The following STKLD1 variants were observed in gnomAD, a reference collection of about 807,000 sequenced individuals.
STKLD1 encodes the protein serine/threonine kinase like domain containing 1.
Under a neutral mutation model 80.4 loss-of-function variants are expected in STKLD1, and 79 were observed. The observed-to-expected ratio is 0.98, with a 90% confidence interval of 0.82 to 1.19. The LOEUF (loss-of-function observed/expected upper bound fraction) is 1.19. Among genes scored for constraint, STKLD1 ranks in the 50% most tolerant of loss-of-function variants. STKLD1 has a pLI of 0.00. For synonymous variants in STKLD1, 393 were observed against 357.6 expected, an observed-to-expected ratio of 1.10 and a Z score of -1.12; for missense variants, 841 against 856.0, an observed-to-expected ratio of 0.98 and a Z score of 0.22.
chr9:133,390,022 A>G lies in STKLD1; in HGVS notation c.467+426A>G, dbSNP rs1047094232. On this transcript the variant is annotated intron_variant, in intron 6 of 17. Transcript: ENST00000371957. This position sits in a 1 kb window ranked among gnomAD's most constrained non-coding sequence, Gnocchi z 5.1. ...GAGATGGCTCCAATTCTGAACACCA[A>G]TATCTTATTTAAAGAGGAAGAGGGA... Among the ~76,000 whole-genome samples, 1 of 152,118 alleles carries G rather than the reference A, an allele frequency of 6.6e-6. No homozygotes were observed. The highest frequency in any genetic ancestry group is 2.4e-5 in the African/African-American group (1 of 41,422).
chr9:133,398,841 T>G (rs4962138), intron 11 of STKLD1, among the ~76,000 whole-genome samples: 1 of 151,614 alleles, frequency 6.6e-6, no homozygotes, highest in Non-Finnish European at 1.5e-5. Context: ...CAGTTTTTTT[T>G]TGTTTTTGTT....
intron 13 of STKLD1, among the ~76,000 whole-genome samples, chr9:133,402,273 T>C (rs920119845): frequency 4.6e-5 from 7 of 152,108 alleles, no homozygotes; most frequent in Admixed American, 3.3e-4. Flanking sequence ...GAGAGGGCCA[T>C]ACAGAGCGCT....
Position 133,383,900 on chromosome 9 carries a change from G to C in STKLD1, c.219G>C (p.Glu73Asp), listed in dbSNP as rs782030954. ...ATTACGCCAGTCAGGCCCTGGAGGA[G>C]GTAACTCTCAGGGTAGTTTTCCCTC... ...DDHYASQALE[E>D]LMPLLKLRHA... The change falls in exon 3 of 18, where the codon GAG (glutamate) becomes GAC (aspartate). Residue 73 changes from glutamate to aspartate, a missense_variant and splice_region_variant. Transcript: ENST00000371957. The C allele has an allele frequency of 6.2e-7, 1 of 1,613,822 alleles. No homozygotes were observed. Among genetic ancestry groups the C allele is most frequent in the African/African-American group, 1.3e-5 (1 of 74,882 alleles).
chr9:133,402,845 G>A (rs587719883), intron 13 of STKLD1, 33 bp from the exon 14 acceptor site: 1 of 1,584,914 alleles, frequency 6.3e-7, no homozygotes, highest in Non-Finnish European at 8.6e-7. Flanking sequence ...TGGAGGGAGG[G>A]GCCCTGGGGC....
rs2130285859 is a variant in STKLD1, at chr9:133,390,194, AAC to A, written c.468-430_468-429del. Among the ~76,000 whole-genome samples, 2,304 of 123,390 alleles carry A rather than the reference AAC, an allele frequency of 0.019. 47 individuals are homozygous for A. The highest frequency in any genetic ancestry group is 0.042 in the Middle Eastern group (10 of 238). The allele number at this position is 123,390 out of a possible 152,430, so 80.9% of individuals were successfully genotyped here. A position where few individuals can be genotyped will look rare whatever the true frequency, so the allele number is the denominator to read the frequency against. ...TTCAGCCTGGGCAACCCTGACTTAA[AAC>A]ACACACACACACACACACACACACA... On this transcript the variant is annotated intron_variant, in intron 6 of 17. Coordinates refer to ENST00000371957, the MANE Select transcript of STKLD1 (RefSeq NM_153710.5). The surrounding 1 kb of genome is among the most constrained non-coding windows in gnomAD (Gnocchi z 5.1).
intron 1 of STKLD1, 150 bp from the exon 2 acceptor site, chr9:133,378,886 C>T: frequency 1.6e-6 from 1 of 641,436 alleles, no homozygotes; most frequent in Non-Finnish European, 2.7e-6. Context: ...CTCCTTGGGC[C>T]ATTTCCTCTA....
rs781859232 is a variant in STKLD1 at position 133,402,983 on chromosome 9, T to G, written c.1445T>G (p.Leu482Arg). The change falls in exon 14 of 18, where the codon CTG becomes CGG. Residue 482 changes from leucine to arginine, a missense_variant. Transcript: ENST00000371957. ...AGCAGGGACGTCTGCGCCAGCGGCC[T>G]GGGCCTGCTCTGGGCCCTCCTGCTG... ...LESRDVCASG[L>R]GLLWALLLDG... 1 of 1,576,608 alleles carries G rather than the reference T, an allele frequency of 6.3e-7. No homozygotes were observed. Among genetic ancestry groups the G allele is most frequent in the South Asian group, 1.2e-5 (1 of 86,032 alleles).
intron 1 of STKLD1, among the ~76,000 whole-genome samples, chr9:133,378,668 G>C (rs1838061845): frequency 6.6e-6 from 1 of 152,264 alleles, no homozygotes; most frequent in Non-Finnish European, 1.5e-5. Context: ...TTTCTTGTTG[G>C]AAACCAGTTG....
intron 1 of STKLD1, among the ~76,000 whole-genome samples, chr9:133,376,820 T>C (rs1016113371): frequency 6.6e-6 from 1 of 152,174 alleles, no homozygotes; most frequent in African/African-American, 2.4e-5. Flanking sequence ...GCAGCTCCTC[T>C]ATCCTTCGTG....
intron 7 of STKLD1, among the ~76,000 whole-genome samples, chr9:133,393,538 T>A (rs1330504303): frequency 6.8e-6 from 1 of 146,640 alleles, no homozygotes; most frequent in Non-Finnish European, 1.5e-5. Flanking sequence ...TATGGATGAA[T>A]GGATGGATGG....
intron 5 of STKLD1, chr9:133,387,751 A>AC: frequency 1.5e-6 from 1 of 674,834 alleles, no homozygotes; most frequent in Non-Finnish European, 2.7e-6. Flanking sequence ...CACAACTTCC[A>AC]CCCAGATCAA....
At chr9:133,404,395 C>T (rs1473682295) in intron 16 of STKLD1, among the ~76,000 whole-genome samples, 4 of 152,224 alleles carry the variant, frequency 2.6e-5, no homozygotes, top group African/African-American at 9.6e-5. Flanking sequence ...CTGCCTGTTA[C>T]TCAGCTAGAC....
In STKLD1 at chr9:133,389,532, C is replaced by T. The variant is rs1838334966; in HGVS notation, c.403C>T (p.Gln135Ter). The change falls in exon 6 of 18, where the codon CAG becomes TAG. Residue 135 changes from glutamine (Q) to a stop codon, truncating the protein, a stop_gained. Transcript: ENST00000371957. LOFTEE classifies it high-confidence loss of function. The surrounding 1 kb of genome is among the most constrained non-coding windows in gnomAD (Gnocchi z 6.4). The stretch of plus-strand genomic sequence containing the variant: ...CCCCCTACTTCTCCCCCAGTGGATG[C>T]AGAATGTGCTGGGCCAGGTGCTGGA... ...AKKIIDSEWMQNVLGQVLDAL... is the reference protein window; with the variant it reads ...AKKIIDSEWM 4 of 1,613,344 alleles carry T rather than the reference C, an allele frequency of 2.5e-6. No homozygotes were observed. The highest frequency in any genetic ancestry group is 3.4e-6 in the Non-Finnish European group (4 of 1,179,906).
At chr9:133,395,465 T>G in intron 8 of STKLD1, 135 bp from the exon 9 acceptor site, 1 of 921,166 alleles carries the variant, frequency 1.1e-6, no homozygotes, top group Non-Finnish European at 1.6e-6. Flanking sequence ...CTGGGCATTC[T>G]TGTAGACGGT....
chr9:133,382,637 GTGA>G (rs1159125116), intron 2 of STKLD1, among the ~76,000 whole-genome samples: 111 of 151,652 alleles, frequency 7.3e-4, no homozygotes, highest in African/African-American at 1.3e-3. Flanking sequence ...TGGTGATGAT[GTGA>G]TGATGGTGGT....
chr9:133,388,002 C>T (rs2130281534), intron 5 of STKLD1, among the ~76,000 whole-genome samples: 4 of 152,194 alleles, frequency 2.6e-5, no homozygotes, highest in Non-Finnish European at 5.9e-5. Flanking sequence ...TTTACCTAGT[C>T]TCATTTGGGC....
Position 133,379,142 on chromosome 9 carries a change from C to T in STKLD1, c.174+20C>T. The T allele has an allele frequency of 1.2e-6, 2 of 1,604,760 alleles. No individual in the cohort carries two copies. The highest frequency in any genetic ancestry group is 1.7e-6 in the Non-Finnish European group (2 of 1,172,938). ...AAGCAGGTAAGAGGCCAAGCCTGTG[C>T]ATCCCATGCCGGGTGGTTCTGTGAC... is the stretch of plus-strand genomic sequence containing the variant. On this transcript the variant is annotated intron_variant, in intron 2 of 17. Coordinates refer to ENST00000371957, the MANE Select transcript of STKLD1 (RefSeq NM_153710.5).
Position 133,385,751 on chromosome 9 carries a change from A to T in STKLD1, c.294+60A>T. 6.6e-7 allele frequency: 1 copy of T among 1,524,718 alleles called. No individual in the cohort carries two copies. Among genetic ancestry groups the T allele is most frequent in the East Asian group, 2.3e-5 (1 of 44,244 alleles). The allele number at this position is 1,524,718 out of a possible 1,614,324, so 94.4% of individuals were successfully genotyped here. A position where few individuals can be genotyped will look rare whatever the true frequency, so the allele number is the denominator to read the frequency against. On this transcript the variant is annotated intron_variant, in intron 4 of 17. Transcript: ENST00000371957. The surrounding 1 kb of genome is among the most constrained non-coding windows in gnomAD (Gnocchi z 4.9). The stretch of plus-strand genomic sequence containing the variant: ...CACGCAGTGGGCTGCAGGACCAAGC[A>T]GACTGAGCCCAGAGCACGCCCACCC...
chr9:133,377,619 C>A (rs1044947074), intron 1 of STKLD1, among the ~76,000 whole-genome samples: 10 of 152,072 alleles, frequency 6.6e-5, no homozygotes, highest in South Asian at 4.1e-4. Context: ...GCCAAGATAG[C>A]GCCATTGGAC....
Sources: allele counts gnomAD v4.1 joint callset (sites outside exome capture counted in the v4.1 genomes callset), GRCh38; gene constraint gnomAD v4.1.1; non-coding constraint Gnocchi (gnomAD v3.1); transcripts MANE v1.5; gene names NCBI Gene and HGNC (gene_info 2026-07-23, HGNC 2026-07-21).